ZNF92: variants seen among roughly 807,000 people sequenced by gnomAD.
ZNF92 encodes the protein epididymis luminal protein 203.
ZNF92 carries 11 observed loss-of-function variants against 12.4 expected under a neutral mutation model. The observed-to-expected ratio is 0.89, with a 90% confidence interval of 0.56 to 1.47. The LOEUF is 1.47. ZNF92 is among the 40% of genes most tolerant of loss of function. The probability of loss-of-function intolerance (pLI) is 0.00; values close to 1 mark genes in which losing one functional copy is unlikely to be tolerated. For synonymous variants in ZNF92, 206 were observed against 228.6 expected (o/e 0.90, Z 0.89); for missense variants, 622 against 681.0 (o/e 0.91, Z 0.96).
chr7:65,380,460 C>CA (rs1793376397), intron 1 of ZNF92, among the ~76,000 whole-genome samples: 1 of 152,022 alleles, frequency 6.6e-6, no homozygotes, highest in Admixed American at 6.6e-5. Flanking sequence ...TTTGTACAGA[C>CA]AGAGTTTTGC....
chr7:65,397,431 C>T (rs542168996), intron 3 of ZNF92, among the ~76,000 whole-genome samples: 10 of 151,732 alleles, frequency 6.6e-5, no homozygotes, highest in African/African-American at 1.7e-4. Context: ...TTTCAGAAAT[C>T]GTCTGTGTTT....
At position 65,373,860 on chromosome 7, in the gene ZNF92, T is replaced by G; in HGVS notation, c.-138T>G. 1 of 1,230,436 alleles carries G rather than the reference T, an allele frequency of 8.1e-7. No individual in the cohort carries two copies. The highest frequency in any genetic ancestry group is 1.2e-6 in the Non-Finnish European group (1 of 839,162). The allele number at this position is 1,230,436 out of a possible 1,614,324, so 76.2% of individuals were successfully genotyped here. Reference sequence around the variant, plus strand: ...CGGGATTTGGCGGGGCCTTTGTCTCTCGCTGCAGCCGGCGCTCCACGTCTA... The same window carrying G: ...CGGGATTTGGCGGGGCCTTTGTCTCGCGCTGCAGCCGGCGCTCCACGTCTA... On this transcript the variant is annotated 5_prime_UTR_variant, in exon 1 of 4. Transcript: ENST00000328747.
Position 65,399,393 on chromosome 7 carries a change from T to C in ZNF92, c.1279T>C (p.Cys427Arg). 6.2e-7 allele frequency: 1 copy of C among 1,613,470 alleles called. No homozygotes were observed. Residue 427 changes from cysteine (C) to arginine (R), a missense_variant, in exon 4 of 4, where the codon TGT becomes CGT. By Grantham distance (180) the Cys-to-Arg change is radical. Coordinates refer to ENST00000328747, the MANE Select transcript of ZNF92 (RefSeq NM_152626.4). ...TCATACTGGAGAGAAACCCTACAAA[T>C]GTGAAAAATGTGGCAAGGCCTTTAG... ...IIHTGEKPYKCEKCGKAFSWS... is the reference protein window; with the variant it reads ...IIHTGEKPYKREKCGKAFSWS...
chr7:65,386,069 G>A (rs567595147), intron 1 of ZNF92, among the ~76,000 whole-genome samples: 1 of 151,950 alleles, frequency 6.6e-6, no homozygotes, highest in African/African-American at 2.4e-5. Flanking sequence ...ACCCAGGCTG[G>A]AGTGCAGCGG....
At chr7:65,390,102 A>G (rs1472588422) in intron 3 of ZNF92, among the ~76,000 whole-genome samples, 1 of 152,042 alleles carries the variant, frequency 6.6e-6, no homozygotes, top group Non-Finnish European at 1.5e-5. Context: ...TTCCTCTTTT[A>G]TATCATGTAG....
At chr7:65,392,435 T>G (rs956887879) in intron 3 of ZNF92, among the ~76,000 whole-genome samples, 1 of 151,818 alleles carries the variant, frequency 6.6e-6, no homozygotes, top group African/African-American at 2.4e-5. Context: ...TTTACCATCT[T>G]AAATCTATTT....
chr7:65,383,574 G>A (rs1429902534), intron 1 of ZNF92, among the ~76,000 whole-genome samples: 1 of 152,096 alleles, frequency 6.6e-6, no homozygotes, highest in Admixed American at 6.6e-5. Flanking sequence ...GAGGTGCCAG[G>A]TATAAATAGA....
At chr7:65,392,001 G>A (rs879625133) in intron 3 of ZNF92, among the ~76,000 whole-genome samples, 5 of 151,924 alleles carry the variant, frequency 3.3e-5, no homozygotes, top group African/African-American at 1.2e-4. Flanking sequence ...AGTGTTTTTT[G>A]TTTAGTGTAG....
intron 3 of ZNF92, among the ~76,000 whole-genome samples, chr7:65,393,515 A>C (rs2116391590): frequency 6.6e-6 from 1 of 152,284 alleles, no homozygotes; most frequent in Non-Finnish European, 1.5e-5. Context: ...GTTTGGATAT[A>C]GATTCATAAA....
At chr7:65,394,891 C>T (rs946078978) in intron 3 of ZNF92, among the ~76,000 whole-genome samples, 1 of 152,068 alleles carries the variant, frequency 6.6e-6, no homozygotes, top group Non-Finnish European at 1.5e-5. Context: ...GGTGATCCAC[C>T]CGCCTTGGCC....
Position 65,387,923 on chromosome 7 carries a change from G to A in ZNF92, c.25G>A (p.Val9Met). 6.2e-7 allele frequency: 1 copy of A among 1,606,932 alleles called. No homozygotes were observed. Among genetic ancestry groups the A allele is most frequent in the Non-Finnish European group, 8.5e-7 (1 of 1,176,728 alleles). MGPLTFRDVKIEFSLEEWQ... is the reference protein window; with the variant it reads MGPLTFRDMKIEFSLEEWQ... The stretch of plus-strand genomic sequence containing the variant: ...TCAGGGACCACTGACATTTAGGGAT[G>A]TGAAAATAGAATTCTCTCTAGAGGA... The change falls in exon 2 of 4, where the codon GTG (valine) becomes ATG (methionine). Residue 9 changes from valine to methionine, a missense_variant. Coordinates refer to ENST00000328747, the MANE Select transcript of ZNF92 (RefSeq NM_152626.4).
At chr7:65,387,879 G>C in intron 1 of ZNF92, 23 bp from the exon 2 acceptor site, 1 of 863,692 alleles carries the variant, frequency 1.2e-6, no homozygotes, top group Non-Finnish European at 1.5e-6. Context: ...ATGTGTGTTT[G>C]TGTGTGTGTG....
chr7:65,388,999 G>T (rs1793642706), intron 3 of ZNF92, 98 bp downstream of exon 3: 30 of 1,094,604 alleles, frequency 2.7e-5, no homozygotes, highest in African/African-American at 4.9e-5. Context: ...TGACCTTGTT[G>T]TCCAGGCTGG....
At chr7:65,386,240 G>A (rs1035444537) in intron 1 of ZNF92, among the ~76,000 whole-genome samples, 6 of 151,918 alleles carry the variant, frequency 3.9e-5, no homozygotes, top group Admixed American at 1.3e-4. Context: ...GGCTGGTCTC[G>A]AACTCCTGAC....
Position 65,388,801 on chromosome 7 carries a change from AACAGGT to A in ZNF92, c.131-3_133del. ...GATTTATGTTATTTATTTTTAATAAAACAGGTATTGCTGTCTCTAAGCCAGACCTGA... is the reference window on the plus strand; with the variant it reads ...GATTTATGTTATTTATTTTTAATAAAATTGCTGTCTCTAAGCCAGACCTGA... On this transcript the variant is annotated splice_acceptor_variant and splice_polypyrimidine_tract_variant and coding_sequence_variant and intron_variant, in exon 3 of 4. Coordinates refer to ENST00000328747, the MANE Select transcript of ZNF92 (RefSeq NM_152626.4). LOFTEE classifies it high-confidence loss of function. 4 of 1,571,280 alleles carry A rather than the reference AACAGGT, an allele frequency of 2.5e-6. No homozygotes were observed. The South Asian group carries it at 3.3e-5, about 13-fold the overall frequency.
At position 65,385,518 on chromosome 7, in the gene ZNF92, G is replaced by C. The variant is rs80132390; in HGVS notation, c.4-2384G>C. Among the ~76,000 whole-genome samples the C allele has an allele frequency of 6.1e-3, 933 of 152,218 alleles. 16 individuals carry two copies. Among genetic ancestry groups the C allele is most frequent in the African/African-American group, 0.021 (866 of 41,522 alleles). ...GTGGTCACAAGGCCTGTTTTCTTTG[G>C]GTTTGGTAGGGACAGGGCAGAGTGC... is the stretch of plus-strand genomic sequence containing the variant. On this transcript the variant is annotated intron_variant, in intron 1 of 3. Transcript: ENST00000328747.
At chr7:65,387,871 G>A (rs1349143062) in intron 1 of ZNF92, 31 bp from the exon 2 acceptor site, 2 of 1,560,630 alleles carry the variant, frequency 1.3e-6, no homozygotes, top group South Asian at 2.4e-5. Flanking sequence ...GTAAACATAT[G>A]TGTGTTTGTG....
At chr7:65,397,108 T>G (rs1330912693) in intron 3 of ZNF92, among the ~76,000 whole-genome samples, 1 of 152,026 alleles carries the variant, frequency 6.6e-6, no homozygotes, top group Non-Finnish European at 1.5e-5. Context: ...TAATTTTGTT[T>G]TGGACTTTGA....
At chr7:65,388,316 T>C (rs1793627001) in intron 2 of ZNF92, 1 of 201,266 alleles carries the variant, frequency 5.0e-6, no homozygotes, top group African/African-American at 3.4e-5. Flanking sequence ...CATTTAGTAG[T>C]ACTGGGCAGT....
Sources: allele counts gnomAD v4.1 joint callset (sites outside exome capture counted in the v4.1 genomes callset), GRCh38; gene constraint gnomAD v4.1.1; transcripts MANE v1.5; gene names NCBI Gene and HGNC (gene_info 2026-07-23, HGNC 2026-07-21).